The following RPS12 variants were observed in gnomAD, a reference collection of about 807,000 sequenced individuals.
The protein encoded by RPS12 is ribosomal protein S12.
Under a neutral mutation model 17.2 loss-of-function variants are expected in RPS12, and 1 was observed. That is an observed-to-expected ratio of 0.06 (90% CI 0.02 to 0.28). The LOEUF (loss-of-function observed/expected upper bound fraction) is 0.28. Ranked by LOEUF, RPS12 falls within the 10% of genes least tolerant of loss-of-function variation. RPS12 has a pLI of 1.00. For missense variants in RPS12, 146 were observed against 162.1 expected (o/e 0.90, Z 0.54); for synonymous variants, 67 against 54.0 (o/e 1.24, Z -1.06).
chr6:132,816,139 CAT>C, intron 3 of RPS12: 1 of 413,540 alleles, frequency 2.4e-6, no homozygotes, highest in Non-Finnish European at 4.5e-6. Context: ...CGGCCTTTCA[CAT>C]GTTTCTTTAG....
chr6:132,815,530 G>A (rs574319713), intron 3 of RPS12: 2 of 418,724 alleles, frequency 4.8e-6, no homozygotes, highest in Admixed American at 2.7e-5. Context: ...GATGAATTTA[G>A]TAGTATAATA....
intron 3 of RPS12, chr6:132,816,101 T>C (rs1327837513): frequency 2.6e-6 from 1 of 377,928 alleles, no homozygotes; most frequent in East Asian, 6.8e-5. Context: ...CCCAAAGTGC[T>C]GGGATTACAG....
At chr6:132,815,364 TAA>T (rs1562280203) in intron 3 of RPS12, 3 of 614,934 alleles carry the variant, frequency 4.9e-6, no homozygotes, top group African/African-American at 1.8e-5. Flanking sequence ...GAGTGAAACA[TAA>T]GAGTCTGACA....
intron 3 of RPS12, chr6:132,815,980 C>T (rs78115235): frequency 2.5e-5 from 11 of 444,876 alleles, no homozygotes; most frequent in Non-Finnish European, 3.6e-5. Context: ...TACAGGCACA[C>T]GCCACCATGC....
In RPS12 at chr6:132,814,798, G is replaced by C. The variant is rs982570520; in HGVS notation, c.14+16G>C. 7.4e-6 allele frequency: 12 copies of C among 1,611,866 alleles called. No homozygotes were observed. The African/African-American group carries it at 1.5e-4, about 20-fold the overall frequency. The stretch of plus-strand genomic sequence containing the variant: ...CCGAGGAAGGGTGAGCCCAGGGGCC[G>C]GGGTTGGAGTTGGGGTCGGGGTGCG... On this transcript the variant is annotated intron_variant, in intron 2 of 5. Transcript: ENST00000230050.
At chr6:132,817,449 G>A (rs374460155) in intron 5 of RPS12, 31 bp from the exon 6 acceptor site, 167 of 1,404,592 alleles carry the variant, frequency 1.2e-4, no homozygotes, top group Admixed American at 4.4e-4. Context: ...ATATTAACAA[G>A]AAATTGCATG....
Position 132,816,468 on chromosome 6 carries a change from G to A in RPS12, c.139G>A (p.Ala47Thr), listed in dbSNP as rs916600302. Residue 47 changes from alanine to threonine, a missense_variant, in exon 4 of 6, where the codon GCC becomes ACC. Around this residue, in one of 2 missense-constraint regions of RPS12, gnomAD observed 117 missense variants for 104.6 expected, o/e 1.12. Transcript: ENST00000230050. The part of the protein sequence containing the change: ...EAAKALDKRQ[A>T]HLCVLASNCD... The stretch of plus-strand genomic sequence containing the variant: ...TTGTAATTTGAATTTCAGGCGCCAA[G>A]CCCATCTTTGTGTGCTTGCATCCAA... 1.9e-6 allele frequency: 3 copies of A among 1,607,616 alleles called. No homozygotes were observed. The highest frequency in any genetic ancestry group is 3.3e-5 in the Admixed American group (2 of 59,952).
intron 4 of RPS12, 34 bp from the exon 5 acceptor site, chr6:132,816,926 T>A (rs756829981): frequency 7.6e-7 from 1 of 1,316,964 alleles, no homozygotes; most frequent in South Asian, 1.2e-5. Flanking sequence ...TCTATTAATG[T>A]GATTTTTTTT....
Position 132,815,052 on chromosome 6 carries a change from C to T in RPS12, c.95C>T (p.Ala32Val), listed in dbSNP as rs777396460. 4 of 1,612,936 alleles carry T rather than the reference C, an allele frequency of 2.5e-6. No individual in the cohort carries two copies. The highest frequency in any genetic ancestry group is 3.4e-6 in the Non-Finnish European group (4 of 1,179,010). The change falls in exon 3 of 6, where the codon GCA (alanine) becomes GTA (valine). Residue 32 changes from alanine to valine, a missense_variant. Ala to Val is a moderately conservative substitution (Grantham distance 64). This residue lies in a region of RPS12 where 117 missense variants were observed against 104.6 expected (regional missense o/e 1.12). Transcript: ENST00000230050. Reference protein sequence around the residue: ...LKTALIHDGLARGIREAAKAL... With the variant: ...LKTALIHDGLVRGIREAAKAL... ...ACTGCCCTCATCCACGATGGCCTAG[C>T]ACGTGGAATTCGCGAAGCTGCCAAA...
rs763416487 is a variant in RPS12 at position 132,817,452 on chromosome 6, A to G, written c.337-28A>G. The G allele has an allele frequency of 6.4e-6, 9 of 1,416,952 alleles. No individual in the cohort carries two copies. The East Asian group carries it at 1.8e-4, about 29-fold the overall frequency. 87.8% of individuals were successfully genotyped at this position (1,416,952 alleles called of 1,614,324 possible). ...TGAAATTCCTAAATATTAACAAGAAATTGCATGCGTGTTTTGTTTTTTTTA... is the reference window on the plus strand; with the variant it reads ...TGAAATTCCTAAATATTAACAAGAAGTTGCATGCGTGTTTTGTTTTTTTTA... On this transcript the variant is annotated intron_variant, in intron 5 of 5. Transcript: ENST00000230050.
At chr6:132,817,176 G>A in intron 5 of RPS12, 115 bp downstream of exon 5, 1 of 804,742 alleles carries the variant, frequency 1.2e-6, no homozygotes, top group South Asian at 1.4e-5. Context: ...CAGGTTTAAA[G>A]CATTTTCTGC....
rs543082769 is a variant in RPS12 at position 132,815,745 on chromosome 6, A to G, written c.131+657A>G. ...AACGGCATTATTGTTTAATGTATTT[A>G]GTAGGTCCTAGTATGAGTCTTCTGT... On this transcript the variant is annotated intron_variant, in intron 3 of 5. Coordinates refer to ENST00000230050, the MANE Select transcript of RPS12 (RefSeq NM_001016.4). 260 of 456,638 alleles carry G rather than the reference A, an allele frequency of 5.7e-4. 1 individual carries two copies. The highest frequency in any genetic ancestry group is 1.0e-3 in the Admixed American group (43 of 42,574). 28.3% of individuals were successfully genotyped at this position (456,638 alleles called of 1,614,324 possible).
chr6:132,815,124 A>T, intron 3 of RPS12, 36 bp downstream of exon 3: 1 of 1,347,500 alleles, frequency 7.4e-7, no homozygotes, highest in Non-Finnish European at 1.1e-6. Context: ...GGGTTCTTGC[A>T]ACCGGAACAA....
At chr6:132,815,321 T>G (rs1782022297) in intron 3 of RPS12, 1 of 705,728 alleles carries the variant, frequency 1.4e-6, no homozygotes, top group Non-Finnish European at 2.6e-6. Context: ...GAATGATGAC[T>G]TTAATTGTCG....
Position 132,814,599 on chromosome 6 carries a change from AG to A in RPS12, c.-50del. On this transcript the variant is annotated 5_prime_UTR_variant, in exon 1 of 6. Transcript: ENST00000230050. ...TCCCTGCCGCCGCCGAGTCGCGCGGAGGCGGAGGCTTGGGGTAAGTTGAGCG... is the reference window on the plus strand; with the variant it reads ...TCCCTGCCGCCGCCGAGTCGCGCGGAGCGGAGGCTTGGGGTAAGTTGAGCG... 1 of 825,504 alleles carries A rather than the reference AG, an allele frequency of 1.2e-6. No individual in the cohort carries two copies. Among genetic ancestry groups the A allele is most frequent in the South Asian group, 1.4e-5 (1 of 71,438 alleles). 51.1% of individuals were successfully genotyped at this position (825,504 alleles called of 1,614,324 possible).
intron 5 of RPS12, 75 bp from the exon 6 acceptor site, chr6:132,817,405 A>G (rs944508183): frequency 2.2e-5 from 21 of 968,928 alleles, no homozygotes; most frequent in Non-Finnish European, 3.1e-5. Context: ...AAGCTCCACT[A>G]TAATTGATAC....
intron 5 of RPS12, 180 bp downstream of exon 5, chr6:132,817,241 ACCTG>A (rs1782083783): frequency 1.3e-6 from 1 of 772,682 alleles, no homozygotes; most frequent in Non-Finnish European, 2.3e-6. Flanking sequence ...GAATCTGCTT[ACCTG>A]ATTGTGTTTG....
chr6:132,815,126 C>T (rs1582886422), intron 3 of RPS12, 38 bp downstream of exon 3: 1 of 1,345,790 alleles, frequency 7.4e-7, no homozygotes, highest in East Asian at 2.3e-5. Flanking sequence ...GTTCTTGCAA[C>T]CGGAACAAAA....
rs112358343 is a variant in RPS12, at chr6:132,814,623, G to C, written c.-38+10G>C. The C allele has an allele frequency of 1.6e-3, 1,606 of 1,010,302 alleles. 19 individuals are homozygous for C. In the African/African-American group the frequency reaches 0.023, roughly 15 times the overall value. The allele number at this position is 1,010,302 out of a possible 1,614,324, so 62.6% of individuals were successfully genotyped here. A position where few individuals can be genotyped will look rare whatever the true frequency, so the allele number is the denominator to read the frequency against. On this transcript the variant is annotated intron_variant, in intron 1 of 5. Coordinates refer to ENST00000230050, the MANE Select transcript of RPS12 (RefSeq NM_001016.4). ...GAGGCGGAGGCTTGGGGTAAGTTGA[G>C]CGAGGCGGCAGGGGGGTGTATTGGT...
Sources: gnomAD v4.1 joint callset for allele counts on GRCh38, gnomAD v4.1.1 for gene constraint, gnomAD v4.1.1 regional missense constraint, MANE v1.5 for transcripts, NCBI Gene and HGNC (gene_info 2026-07-23, HGNC 2026-07-21) for gene names.